Variants in SPR observed in about 807,000 individuals in gnomAD.
SPR encodes Sepiapterin reductase (L-erythro-7,8-dihydrobiopterin forming).
In SPR, 12 loss-of-function variants were observed where a neutral mutation model predicts 16.0. That is an observed-to-expected ratio of 0.75 (90% CI 0.48 to 1.22). SPR has a LOEUF of 1.22. Among genes scored for constraint, SPR ranks in the 50% most tolerant of loss-of-function variants. The pLI is 0.00. For synonymous variants in SPR, 177 were observed against 168.5 expected (o/e 1.05, Z -0.39); for missense variants, 324 against 344.4 (o/e 0.94, Z 0.47).
chr2:72,888,238 C>G, intron 1 of SPR, 76 bp from the exon 2 acceptor site: 1 of 1,457,030 alleles, frequency 6.9e-7, no homozygotes, highest in Non-Finnish European at 9.6e-7. Context: ...AAGAGGATAT[C>G]TGGAGGAACT....
At chr2:72,890,794 C>T (rs1256653616) in intron 2 of SPR, among the ~76,000 whole-genome samples, 2 of 152,344 alleles carry the variant, frequency 1.3e-5, no homozygotes, top group Middle Eastern at 6.8e-3. Flanking sequence ...AGTGATCCTC[C>T]TGCCTCAGCT....
rs1361534807 is a variant in SPR at position 72,891,663 on chromosome 2, G to C, written c.*126G>C. 1 of 1,154,172 alleles carries C rather than the reference G, an allele frequency of 8.7e-7. No homozygotes were observed. Among genetic ancestry groups the C allele is most frequent in the African/African-American group, 1.5e-5 (1 of 65,568 alleles). The allele number at this position is 1,154,172 out of a possible 1,614,324, so 71.5% of individuals were successfully genotyped here. A position where few individuals can be genotyped will look rare whatever the true frequency, so the allele number is the denominator to read the frequency against. ...ACACATAGAAGCATTCATGCCTGCT[G>C]CCCTGCCCTCAGGCACAGCCAGCTG... On this transcript the variant is annotated 3_prime_UTR_variant, in exon 3 of 3. Coordinates refer to ENST00000234454, the MANE Select transcript of SPR (RefSeq NM_003124.5).
Position 72,888,526 on chromosome 2 carries a change from G to A in SPR, c.517G>A (p.Gly173Arg). Reference protein sequence around the residue: ...PFKGWALYCAGKAARDMLFQV... With the variant: ...PFKGWALYCARKAARDMLFQV... ...CAAAGGCTGGGCGCTGTACTGTGCA[G>A]GAAAGGCTGCTCGTGATATGCTGTT... The change falls in exon 2 of 3, where the codon GGA becomes AGA. Residue 173 changes from glycine (G) to arginine (R), a missense_variant. Coordinates refer to ENST00000234454, the MANE Select transcript of SPR (RefSeq NM_003124.5). 1.2e-6 allele frequency: 2 copies of A among 1,606,712 alleles called. No homozygotes were observed.
At position 72,891,411 on chromosome 2, in the gene SPR, A is replaced by G. The variant is rs758539190; in HGVS notation, c.660A>G (p.Lys220=). The part of the protein sequence containing the change: ...RETSVDPDMR[K]GLQELKAKGK... ...CCTCCGTGGACCCAGACATGCGAAA[A>G]GGGCTGCAGGAGCTGAAGGCAAAGG... is the stretch of plus-strand genomic sequence containing the variant. Residue 220 remains lysine, a synonymous_variant, in exon 3 of 3, where the codon AAA becomes AAG. Coordinates refer to ENST00000234454, the MANE Select transcript of SPR (RefSeq NM_003124.5). The G allele has an allele frequency of 2.5e-6, 4 of 1,614,228 alleles. No homozygotes were observed. In the South Asian group the frequency reaches 3.3e-5, roughly 13 times the overall value.
At chr2:72,887,936 T>G (rs530300211) in intron 1 of SPR, among the ~76,000 whole-genome samples, 200 bp downstream of exon 1, 267 of 152,354 alleles carry the variant, frequency 1.8e-3, no homozygotes, top group African/African-American at 6.2e-3. Flanking sequence ...CCCCACTTCC[T>G]GGAAAATTGG....
rs145966054 is a variant in SPR at position 72,888,547 on chromosome 2, C to T, written c.538C>T (p.Leu180=). The T allele has an allele frequency of 1.9e-6, 3 of 1,599,268 alleles. No individual in the cohort carries two copies. Among genetic ancestry groups the T allele is most frequent in the Non-Finnish European group, 2.6e-6 (3 of 1,171,364 alleles). ...TGCAGGAAAGGCTGCTCGTGATATGCTGTTCCAGGTCCTGGCGCTGGAGGA... is the reference window on the plus strand; with the variant it reads ...TGCAGGAAAGGCTGCTCGTGATATGTTGTTCCAGGTCCTGGCGCTGGAGGA... ...YCAGKAARDM[L]FQVLALEEPN... is the part of the protein sequence containing the mutation. Residue 180 remains leucine (L), a synonymous_variant, in exon 2 of 3, where the codon CTG becomes TTG. Transcript: ENST00000234454.
At chr2:72,889,450 C>A (rs1670588883) in intron 2 of SPR, among the ~76,000 whole-genome samples, 1 of 152,162 alleles carries the variant, frequency 6.6e-6, no homozygotes, top group South Asian at 2.1e-4. Flanking sequence ...TAGGGTCAGG[C>A]TCCCAGGGCA....
At chr2:72,891,284 G>T in intron 2 of SPR, 63 bp from the exon 3 acceptor site, 1 of 1,583,188 alleles carries the variant, frequency 6.3e-7, no homozygotes, top group East Asian at 2.2e-5. Context: ...ATAAAACAGG[G>T]ACCTGAAACC....
intron 2 of SPR, 78 bp from the exon 3 acceptor site, chr2:72,891,269 C>A (rs760527820): frequency 6.6e-7 from 1 of 1,524,328 alleles, no homozygotes; most frequent in Non-Finnish European, 9.1e-7. Context: ...AGCCCCACCC[C>A]CGACATAAAA....
rs1201575577 is a variant in SPR at position 72,888,411 on chromosome 2, G to C, written c.402G>C (p.Leu134=). 2.5e-6 allele frequency: 4 copies of C among 1,613,972 alleles called. No individual in the cohort carries two copies. The highest frequency in any genetic ancestry group is 3.4e-6 in the Non-Finnish European group (4 of 1,179,960). The part of the protein sequence containing the change: ...WALNLTSMLC[L]TSSVLKAFPD... ...TGAACTTGACCTCCATGCTCTGCCT[G>C]ACTTCCAGCGTCCTGAAGGCCTTCC... The change falls in exon 2 of 3, where the codon CTG becomes CTC. Residue 134 remains leucine (L), a synonymous_variant. Transcript: ENST00000234454.
chr2:72,890,627 C>T (rs1362578807), intron 2 of SPR, among the ~76,000 whole-genome samples: 2 of 152,218 alleles, frequency 1.3e-5, no homozygotes, highest in Non-Finnish European at 2.9e-5. Context: ...AGGCGTGAGC[C>T]ACTGCACTTG....
Position 72,888,316 on chromosome 2 carries a change from T to C in SPR, c.307T>C (p.Ser103Pro), listed in dbSNP as rs967985144. The C allele has an allele frequency of 1.2e-6, 2 of 1,614,044 alleles. No homozygotes were observed. The highest frequency in any genetic ancestry group is 1.3e-5 in the African/African-American group (1 of 74,912). Residue 103 changes from serine (S) to proline (P), a missense_variant and splice_region_variant, in exon 2 of 3, where the codon TCT (serine) becomes CCT (proline). By Grantham distance (74) the Ser-to-Pro change is moderately conservative. Coordinates refer to ENST00000234454, the MANE Select transcript of SPR (RefSeq NM_003124.5). ...ACTCCTAAGGGTTGGTTTTTCAGGC[T>C]CTCTTGGGGATGTGTCCAAAGGCTT... ...QRLLLINNAG[S>P]LGDVSKGFVD... is the part of the protein sequence containing the mutation.
At position 72,887,593 on chromosome 2, in the gene SPR, T is replaced by G; in HGVS notation, c.161T>G (p.Leu54Arg). 7.1e-7 allele frequency: 1 copy of G among 1,404,004 alleles called. No individual in the cohort carries two copies. Among genetic ancestry groups the G allele is most frequent in the Non-Finnish European group, 9.2e-7 (1 of 1,089,046 alleles). 87.0% of individuals were successfully genotyped at this position (1,404,004 alleles called of 1,614,324 possible). A position where few individuals can be genotyped will look rare whatever the true frequency, so the allele number is the denominator to read the frequency against. The part of the protein sequence containing the change: ...DEALRQLEAE[L>R]GAERSGLRVV... ...GCACTGCGCCAGCTGGAGGCCGAGCTGGGCGCCGAGCGGTCTGGCCTGCGC... is the reference window on the plus strand; with the variant it reads ...GCACTGCGCCAGCTGGAGGCCGAGCGGGGCGCCGAGCGGTCTGGCCTGCGC... Residue 54 changes from leucine (L) to arginine (R), a missense_variant, in exon 1 of 3, where the codon CTG becomes CGG. Physicochemically the swap from Leu to Arg is moderately radical, Grantham distance 102. Coordinates refer to ENST00000234454, the MANE Select transcript of SPR (RefSeq NM_003124.5).
rs1047101196 is a variant in SPR at position 72,891,543 on chromosome 2, T to C, written c.*6T>C. ...TGGACTTCTATGACAAATAAGCCCA[T>C]GTTTTTGGCTTCCTGAACCTTTTTG... is the stretch of plus-strand genomic sequence containing the variant. On this transcript the variant is annotated 3_prime_UTR_variant, in exon 3 of 3. Transcript: ENST00000234454. 1 of 1,614,224 alleles carries C rather than the reference T, an allele frequency of 6.2e-7. No individual in the cohort carries two copies. Among genetic ancestry groups the C allele is most frequent in the African/African-American group, 1.3e-5 (1 of 75,060 alleles).
chr2:72,889,803 G>A (rs1559048807), intron 2 of SPR, among the ~76,000 whole-genome samples: 2 of 152,212 alleles, frequency 1.3e-5, no homozygotes, highest in African/African-American at 4.8e-5. Flanking sequence ...GCAGAGGCCA[G>A]TCTGGTTTTC....
At chr2:72,890,956 G>A (rs1670611811) in intron 2 of SPR, among the ~76,000 whole-genome samples, 1 of 151,806 alleles carries the variant, frequency 6.6e-6, no homozygotes, top group African/African-American at 2.4e-5. Flanking sequence ...ATGTGTAGAT[G>A]CTGAAGGGTC....
chr2:72,887,589 G>A lies in SPR; in HGVS notation c.157G>A (p.Glu53Lys), dbSNP rs780706811. The stretch of plus-strand genomic sequence containing the variant: ...CGAGGCACTGCGCCAGCTGGAGGCC[G>A]AGCTGGGCGCCGAGCGGTCTGGCCT... The part of the protein sequence containing the change: ...NDEALRQLEA[E>K]LGAERSGLRV... The change falls in exon 1 of 3, where the codon GAG (glutamate) becomes AAG (lysine). Residue 53 changes from glutamate to lysine, a missense_variant. Transcript: ENST00000234454. 7 of 1,406,924 alleles carry A rather than the reference G, an allele frequency of 5.0e-6. No individual in the cohort carries two copies. The highest frequency in any genetic ancestry group is 3.0e-5 in the East Asian group (1 of 33,158). The allele number at this position is 1,406,924 out of a possible 1,614,324, so 87.2% of individuals were successfully genotyped here. A position where few individuals can be genotyped will look rare whatever the true frequency, so the allele number is the denominator to read the frequency against.
At chr2:72,888,228 A>G in intron 1 of SPR, 86 bp from the exon 2 acceptor site, 1 of 1,348,346 alleles carries the variant, frequency 7.4e-7, no homozygotes, top group Admixed American at 1.7e-5. Context: ...TCTGCATGGG[A>G]AGAGGATATC....
intron 2 of SPR, among the ~76,000 whole-genome samples, chr2:72,889,589 T>G (rs1185579230): frequency 8.7e-6 from 1 of 114,658 alleles, no homozygotes; most frequent in Non-Finnish European, 1.6e-5. Flanking sequence ...ACATGCACAA[T>G]TATTCTCACA....
Sources: allele counts gnomAD v4.1 joint callset (sites outside exome capture counted in the v4.1 genomes callset), GRCh38; gene constraint gnomAD v4.1.1; transcripts MANE v1.5; gene names NCBI Gene and HGNC (gene_info 2026-07-23, HGNC 2026-07-21).